The following CEP112 variants were observed in gnomAD, a reference collection of about 807,000 sequenced individuals.
CEP112 encodes the protein centrosomal protein 112, also known as centrosomal protein of 112 kDa.
In CEP112, 127 loss-of-function variants were observed where a neutral mutation model predicts 153.0. The ratio of observed to expected loss-of-function variants is 0.83; its 90% CI spans 0.72 to 0.96. The LOEUF is 0.96. Among genes scored for constraint, CEP112 ranks in the 40% least tolerant of loss-of-function variants. CEP112 has a pLI of 0.00. For missense variants in CEP112, 1,089 were observed against 1,101.2 expected (o/e 0.99, Z 0.16); for synonymous variants, 358 against 374.4 (o/e 0.96, Z 0.51).
intron 24 of CEP112, among the ~76,000 whole-genome samples, chr17:65,665,297 A>G (rs999434066): frequency 3.9e-5 from 6 of 152,218 alleles, no homozygotes; most frequent in African/African-American, 1.4e-4. Context: ...GAGGTACATT[A>G]AGAGCCTCAG....
intron 20 of CEP112, among the ~76,000 whole-genome samples, chr17:65,854,930 T>C (rs1289900599): frequency 6.6e-6 from 1 of 152,120 alleles, no homozygotes; most frequent in Non-Finnish European, 1.5e-5. Flanking sequence ...GTGACAACAG[T>C]TATGTGTTTG....
Position 65,891,528 on chromosome 17 carries a change from C to T in CEP112, c.2163+10624G>A, listed in dbSNP as rs148059822. ...TAGGAGTTACTCGTACTTCTTCTTC[C>T]CCTCATTCCCCACACCCAACCCATC... On this transcript the variant is annotated intron_variant, in intron 20 of 26. Coordinates refer to ENST00000535342, the MANE Select transcript of CEP112 (RefSeq NM_001199165.4). Among the ~76,000 whole-genome samples, 41 of 152,246 alleles carry T rather than the reference C, an allele frequency of 2.7e-4. No individual in the cohort carries two copies. In the South Asian group the frequency reaches 3.1e-3, roughly 12 times the overall value.
chr17:65,709,050 G>C (rs2049048152), intron 23 of CEP112, among the ~76,000 whole-genome samples: 1 of 151,974 alleles, frequency 6.6e-6, no homozygotes, highest in Non-Finnish European at 1.5e-5. Context: ...AGGTCTCTGT[G>C]CATTTTTCTT....
intron 24 of CEP112, among the ~76,000 whole-genome samples, chr17:65,657,479 C>T (rs1050747218): frequency 6.6e-6 from 1 of 152,098 alleles, no homozygotes; most frequent in African/African-American, 2.4e-5. Flanking sequence ...TTTGGAGGAC[C>T]AAGTTTAAAC....
At chr17:65,768,969 AAGCTGG>A (rs1385260938) in intron 21 of CEP112, among the ~76,000 whole-genome samples, 1 of 152,142 alleles carries the variant, frequency 6.6e-6, no homozygotes, top group Non-Finnish European at 1.5e-5. Context: ...ACAGGTATTC[AAGCTGG>A]ATAAAAAAGA....
intron 17 of CEP112, among the ~76,000 whole-genome samples, chr17:65,989,418 C>A (rs1177459153): frequency 2.6e-5 from 4 of 151,606 alleles, no homozygotes; most frequent in Non-Finnish European, 4.4e-5. Context: ...GGCAACAGAC[C>A]TCTCAGGGAA....
At chr17:66,179,292 C>T (rs1018741858) in intron 2 of CEP112, among the ~76,000 whole-genome samples, 2 of 152,100 alleles carry the variant, frequency 1.3e-5, no homozygotes, top group Non-Finnish European at 2.9e-5. Context: ...GTAGTATGGA[C>T]ATTTTAACAA....
At position 66,150,199 on chromosome 17, in the gene CEP112, CT is replaced by C. The variant is rs369271405; in HGVS notation, c.471-17437del. 2.6e-3 allele frequency among the ~76,000 whole-genome samples: 341 copies of C among 129,642 alleles called. 1 individual carries two copies. Among genetic ancestry groups the C allele is most frequent in the South Asian group, 0.018 (71 of 3,962 alleles). The allele number at this position is 129,642 out of a possible 152,430, so 85.1% of individuals were successfully genotyped here. The stretch of plus-strand genomic sequence containing the variant: ...ACAGGCGTGAGCCACCGCGCCCGGC[CT>C]TTTTTTTTTTTTTTTAAGATGGAGT... On this transcript the variant is annotated intron_variant, in intron 4 of 26. Transcript: ENST00000535342.
intron 20 of CEP112, among the ~76,000 whole-genome samples, chr17:65,863,599 C>CAA (rs35971829): frequency 3.2e-4 from 47 of 147,388 alleles, no homozygotes; most frequent in South Asian, 6.5e-4. Context: ...ACTAAAAATA[C>CAA]AAAAAAAAAA....
chr17:65,636,720 T>C (rs1272813410), intron 26 of CEP112: 1 of 168,712 alleles, frequency 5.9e-6, no homozygotes, highest in African/African-American at 2.4e-5. Context: ...CAAGCAATTC[T>C]CCTGCCTCAG....
intron 17 of CEP112, among the ~76,000 whole-genome samples, chr17:66,005,021 A>G (rs563047791): frequency 1.7e-4 from 26 of 152,282 alleles, no homozygotes; most frequent in African/African-American, 5.8e-4. Flanking sequence ...ATATGGTTCT[A>G]TGGGAATGTA....
chr17:65,898,033 A>G (rs763382173), intron 20 of CEP112, among the ~76,000 whole-genome samples: 1 of 152,088 alleles, frequency 6.6e-6, no homozygotes, highest in Non-Finnish European at 1.5e-5. Flanking sequence ...CTTAACTGTA[A>G]TATTTTTTCT....
intron 17 of CEP112, among the ~76,000 whole-genome samples, chr17:65,969,701 C>A (rs563601492): frequency 6.6e-6 from 1 of 152,148 alleles, no homozygotes; most frequent in African/African-American, 2.4e-5. Flanking sequence ...GCATATTACA[C>A]GCATACAGGA....
chr17:65,941,920 A>G (rs2061517773), intron 18 of CEP112, among the ~76,000 whole-genome samples: 1 of 152,076 alleles, frequency 6.6e-6, no homozygotes, highest in Non-Finnish European at 1.5e-5. Flanking sequence ...AGTAGCTGGG[A>G]TTACAGACAA....
intron 12 of CEP112, among the ~76,000 whole-genome samples, chr17:66,035,037 G>A (rs1411810626): frequency 8.3e-5 from 11 of 132,436 alleles, no homozygotes; most frequent in African/African-American, 2.8e-4. Context: ...ATGGAGTTTC[G>A]CCACGTTGCC....
At chr17:65,797,499 C>G (rs920989880) in intron 21 of CEP112, among the ~76,000 whole-genome samples, 2 of 152,218 alleles carry the variant, frequency 1.3e-5, no homozygotes, top group Non-Finnish European at 2.9e-5. Context: ...ACCTCACTAG[C>G]ATGTTTGTTT....
intron 21 of CEP112, among the ~76,000 whole-genome samples, chr17:65,830,020 T>C (rs2057012662): frequency 6.6e-6 from 1 of 152,224 alleles, no homozygotes; most frequent in South Asian, 2.1e-4. Context: ...CCCAGTAAAA[T>C]ATATTTTTTC....
intron 15 of CEP112, 27 bp downstream of exon 15, chr17:66,028,286 T>C (rs1273475641): frequency 1.5e-6 from 2 of 1,349,592 alleles, no homozygotes; most frequent in African/African-American, 2.9e-5. Context: ...TGACCATTGT[T>C]CTTCTGTGTA....
intron 4 of CEP112, among the ~76,000 whole-genome samples, chr17:66,140,330 T>C (rs2146603914): frequency 6.6e-6 from 1 of 152,244 alleles, no homozygotes; most frequent in Middle Eastern, 3.4e-3. Flanking sequence ...ACTCGAACAG[T>C]GAAAAGCTAA....
Sources: gnomAD v4.1 joint callset for allele counts (sites outside exome capture counted in the v4.1 genomes callset) on GRCh38, gnomAD v4.1.1 for gene constraint, MANE v1.5 for transcripts, NCBI Gene and HGNC (gene_info 2026-07-23, HGNC 2026-07-21) for gene names.